ROBO1: variants seen among roughly 807,000 people sequenced by gnomAD.
ROBO1 encodes roundabout guidance receptor 1.
ROBO1 carries 149 observed loss-of-function variants against 195.9 expected under a neutral mutation model. The ratio of observed to expected loss-of-function variants is 0.76; its 90% confidence interval spans 0.67 to 0.87. The LOEUF (loss-of-function observed/expected upper bound fraction) is 0.87, where lower values mean the gene tolerates loss of function less well. Ranked by LOEUF, ROBO1 falls within the 40% of genes least tolerant of loss-of-function variation. The probability of loss-of-function intolerance (pLI) is 0.00; values close to 1 mark genes in which losing one functional copy is unlikely to be tolerated. For synonymous variants in ROBO1, 816 were observed against 733.2 expected (o/e 1.11, Z -1.82); for missense variants, 1,933 against 2,068.3 (o/e 0.93, Z 1.27).
At chr3:79,531,304 T>C (rs1013683997) in intron 2 of ROBO1, among the ~76,000 whole-genome samples, 1 of 152,198 alleles carries the variant, frequency 6.6e-6, no homozygotes, top group Non-Finnish European at 1.5e-5. Context: ...ACTCAGCAGC[T>C]ATGTAAATAT....
intron 1 of ROBO1, among the ~76,000 whole-genome samples, chr3:79,711,934 G>A (rs550994654): frequency 7.9e-5 from 11 of 139,476 alleles, no homozygotes; most frequent in Middle Eastern, 3.5e-3. Flanking sequence ...CGGGTGGGTG[G>A]GGGAGCACTA....
chr3:78,893,543 A>T (rs2037035913), intron 4 of ROBO1, among the ~76,000 whole-genome samples: 1 of 152,198 alleles, frequency 6.6e-6, no homozygotes, highest in Non-Finnish European at 1.5e-5. Context: ...GCACAGACTA[A>T]GACATATTGG....
chr3:79,332,518 C>T (rs2109179834), intron 2 of ROBO1, among the ~76,000 whole-genome samples: 1 of 152,292 alleles, frequency 6.6e-6, no homozygotes, highest in Middle Eastern at 3.4e-3. Flanking sequence ...AATACATACA[C>T]ACAGTTTGAG....
chr3:78,769,368 A>G (rs1011826389), intron 4 of ROBO1, among the ~76,000 whole-genome samples: 3 of 152,144 alleles, frequency 2.0e-5, no homozygotes, highest in African/African-American at 7.2e-5. Context: ...TTTGTCTGAT[A>G]TAAGAATAGC....
intron 1 of ROBO1, among the ~76,000 whole-genome samples, chr3:79,687,807 T>C (rs1947172933): frequency 6.6e-6 from 1 of 152,150 alleles, no homozygotes. Context: ...TGGAAGTCAG[T>C]GTAACGATTC....
chr3:78,680,256 C>T (rs1393074015), intron 10 of ROBO1, among the ~76,000 whole-genome samples: 5 of 152,132 alleles, frequency 3.3e-5, no homozygotes, highest in Non-Finnish European at 5.9e-5. Context: ...CATTACCATT[C>T]AGGACATAGG....
intron 4 of ROBO1, among the ~76,000 whole-genome samples, chr3:78,826,060 A>G (rs1050405328): frequency 9.2e-5 from 14 of 152,172 alleles, no homozygotes; most frequent in African/African-American, 3.1e-4. Context: ...GAGCTATAGC[A>G]TATTTTACTT....
chr3:79,137,360 T>C (rs115546364), intron 2 of ROBO1, among the ~76,000 whole-genome samples: 98 of 151,998 alleles, frequency 6.4e-4, no homozygotes, highest in African/African-American at 2.3e-3. Context: ...ACCTGTGGCC[T>C]GAGATGCCAG....
At chr3:79,435,674 G>T (rs1208406424) in intron 2 of ROBO1, among the ~76,000 whole-genome samples, 1 of 152,078 alleles carries the variant, frequency 6.6e-6, no homozygotes, top group South Asian at 2.1e-4. Context: ...ATCAAATTGA[G>T]TAAAGGAATT....
intron 4 of ROBO1, among the ~76,000 whole-genome samples, chr3:78,875,866 C>T (rs1023826460): frequency 2.0e-5 from 3 of 152,066 alleles, no homozygotes; most frequent in Non-Finnish European, 4.4e-5. Context: ...AAGTCCTTCA[C>T]ATGTATAATC....
chr3:79,081,487 C>T (rs548014394), intron 3 of ROBO1, among the ~76,000 whole-genome samples: 5 of 152,068 alleles, frequency 3.3e-5, no homozygotes, highest in East Asian at 3.9e-4. Context: ...TTTGTCTGTT[C>T]GGGGCTTCTG....
chr3:79,289,761 C>T (rs964114268), intron 2 of ROBO1, among the ~76,000 whole-genome samples: 3 of 152,078 alleles, frequency 2.0e-5, no homozygotes, highest in African/African-American at 7.2e-5. Context: ...ACAACTTGAA[C>T]TTTGTTTTAT....
intron 4 of ROBO1, among the ~76,000 whole-genome samples, chr3:78,847,784 C>T (rs943172258): frequency 2.0e-5 from 3 of 152,116 alleles, no homozygotes; most frequent in Admixed American, 1.3e-4. Flanking sequence ...TGGAAATAAA[C>T]CAGAGCAGCT....
intron 2 of ROBO1, among the ~76,000 whole-genome samples, chr3:79,236,142 A>G (rs78247687): frequency 0.032 from 4,821 of 152,214 alleles, 224 homozygotes; most frequent in African/African-American, 0.11. Flanking sequence ...AGCAATATGA[A>G]CACACGTATG....
chr3:78,774,323 T>C (rs1352571543), intron 4 of ROBO1, among the ~76,000 whole-genome samples: 1 of 152,180 alleles, frequency 6.6e-6, no homozygotes, highest in East Asian at 1.9e-4. Flanking sequence ...AAGTTTTTTT[T>C]TTTTTGAGAC....
chr3:79,410,449 A>G (rs1051514522), intron 2 of ROBO1, among the ~76,000 whole-genome samples: 1 of 152,280 alleles, frequency 6.6e-6, no homozygotes, highest in South Asian at 2.1e-4. Flanking sequence ...AAATGAAAAA[A>G]ACAAAACATT....
intron 4 of ROBO1, among the ~76,000 whole-genome samples, chr3:78,763,562 A>G (rs1180763115): frequency 3.9e-5 from 6 of 152,208 alleles, no homozygotes. Flanking sequence ...GCCTATAAGC[A>G]GACTTTACAA....
intron 3 of ROBO1, among the ~76,000 whole-genome samples, chr3:79,015,804 A>T (rs1213735432): frequency 6.6e-6 from 1 of 152,212 alleles, no homozygotes; most frequent in Non-Finnish European, 1.5e-5. Flanking sequence ...TAAGCACAAG[A>T]CTTAGTACTA....
chr3:78,648,959 CA>C (rs920782839), intron 19 of ROBO1, among the ~76,000 whole-genome samples: 3 of 151,950 alleles, frequency 2.0e-5, no homozygotes, highest in Non-Finnish European at 4.4e-5. Context: ...AGAAGAAAAG[CA>C]AAAACCTCAG....
Sources: allele counts gnomAD v4.1 joint callset (sites outside exome capture counted in the v4.1 genomes callset), GRCh38; gene constraint gnomAD v4.1.1; transcripts MANE v1.5; gene names NCBI Gene and HGNC (gene_info 2026-07-23, HGNC 2026-07-21).